Variants in RBM20 observed in about 807,000 individuals in gnomAD.
RBM20 encodes the protein RNA-binding protein 20.
In RBM20, 51 loss-of-function variants were observed where a neutral mutation model predicts 110.1. The observed-to-expected ratio is 0.46, with a 90% CI of 0.37 to 0.59. RBM20 has a LOEUF of 0.59. Among genes scored for constraint, RBM20 ranks in the 20% least tolerant of loss-of-function variants. The pLI is 0.00. For missense variants in RBM20, 1,512 were observed against 1,574.9 expected, an observed-to-expected ratio of 0.96 and a Z score of 0.68; for synonymous variants, 589 against 618.2, an observed-to-expected ratio of 0.95 and a Z score of 0.70.
chr10:110,672,392 CA>C, intron 1 of RBM20, among the ~76,000 whole-genome samples: 1 of 152,246 alleles, frequency 6.6e-6, no homozygotes, highest in East Asian at 1.9e-4. Flanking sequence ...CTCAGCGAGA[CA>C]GTCAAAGGGG....
chr10:110,715,284 A>T (rs1243673707), intron 1 of RBM20, among the ~76,000 whole-genome samples: 1 of 152,036 alleles, frequency 6.6e-6, no homozygotes, highest in East Asian at 1.9e-4. Flanking sequence ...ACAAAGAAAA[A>T]ACCCATAATT....
intron 1 of RBM20, among the ~76,000 whole-genome samples, chr10:110,705,966 C>T (rs1862832308): frequency 6.6e-6 from 1 of 151,974 alleles, no homozygotes; most frequent in African/African-American, 2.4e-5. Flanking sequence ...CTTGTAATCC[C>T]AGCTACTTGG....
chr10:110,666,983 T>C (rs760731577), intron 1 of RBM20, among the ~76,000 whole-genome samples: 6 of 152,168 alleles, frequency 3.9e-5, no homozygotes, highest in Non-Finnish European at 8.8e-5. Context: ...GTGGCCTTAT[T>C]GGGCCCTTTC....
At position 110,824,103 on chromosome 10, in the gene RBM20, A is replaced by T. The variant is rs1844952341; in HGVS notation, c.3451+489A>T. 2.6e-5 allele frequency among the ~76,000 whole-genome samples: 4 copies of T among 152,266 alleles called. No homozygotes were observed. In the Middle Eastern group the frequency reaches 0.014, roughly 518 times the overall value. ...CGGCTGTAAACTTTCTTGCAATTTC[A>T]GTCTCCCGTAATAGACCAGATACTC... On this transcript the variant is annotated intron_variant, in intron 12 of 13. Coordinates refer to ENST00000369519, the MANE Select transcript of RBM20 (RefSeq NM_001134363.3).
chr10:110,772,802 T>G (rs1487435417), intron 1 of RBM20, among the ~76,000 whole-genome samples: 1 of 152,262 alleles, frequency 6.6e-6, no homozygotes, highest in Non-Finnish European at 1.5e-5. Flanking sequence ...ATGATAATGA[T>G]AGTTAATATA....
At chr10:110,790,691 T>C (rs1320892028) in intron 5 of RBM20, among the ~76,000 whole-genome samples, 3 of 152,238 alleles carry the variant, frequency 2.0e-5, no homozygotes, top group Admixed American at 6.5e-5. Context: ...AAGCTTTCAA[T>C]ATATATTTAA....
intron 1 of RBM20, among the ~76,000 whole-genome samples, chr10:110,767,399 C>T (rs1844115068): frequency 1.3e-5 from 2 of 150,776 alleles, no homozygotes; most frequent in Admixed American, 6.6e-5. Flanking sequence ...CTGACCCCCA[C>T]CTCCCTCCCG....
intron 1 of RBM20, among the ~76,000 whole-genome samples, chr10:110,658,557 C>T (rs908993174): frequency 6.6e-6 from 1 of 152,150 alleles, no homozygotes; most frequent in African/African-American, 2.4e-5. Context: ...ATTTCCTCCT[C>T]CTTGTCCCTG....
chr10:110,678,988 T>C (rs1862381921), intron 1 of RBM20, among the ~76,000 whole-genome samples: 1 of 152,158 alleles, frequency 6.6e-6, no homozygotes, highest in Non-Finnish European at 1.5e-5. Flanking sequence ...ATGCAGGTTC[T>C]CGGTTCAAAT....
intron 1 of RBM20, among the ~76,000 whole-genome samples, chr10:110,742,239 C>T (rs1370292695): frequency 6.6e-6 from 1 of 152,214 alleles, no homozygotes; most frequent in Non-Finnish European, 1.5e-5. Context: ...ATCAGAGGAG[C>T]CTTCTGCACT....
At position 110,662,051 on chromosome 10, in the gene RBM20, A is replaced by G. The variant is rs141691291; in HGVS notation, c.191+17406A>G. On this transcript the variant is annotated intron_variant, in intron 1 of 13. Coordinates refer to ENST00000369519, the MANE Select transcript of RBM20 (RefSeq NM_001134363.3). The stretch of plus-strand genomic sequence containing the variant: ...ATAGTAGCATTGAGTGGCAGAGTCT[A>G]TATGCTGTCTAATCCCAGCTGCTGG... 2.0e-5 allele frequency among the ~76,000 whole-genome samples: 3 copies of G among 151,384 alleles called. No homozygotes were observed. In the East Asian group the frequency reaches 5.8e-4, roughly 29 times the overall value.
rs141329778 is a variant in RBM20 at position 110,815,112 on chromosome 10, C to T, written c.2550+2165C>T. Among the ~76,000 whole-genome samples, 3 of 152,308 alleles carry T rather than the reference C, an allele frequency of 2.0e-5. No homozygotes were observed. In the East Asian group the frequency reaches 5.8e-4, roughly 29 times the overall value. Reference sequence around the variant, plus strand: ...TAAAAGTGGCCCCTTCCACAGGGGGCAGGGAATCGGTTGCATCTCCAGCAG... The same window carrying T: ...TAAAAGTGGCCCCTTCCACAGGGGGTAGGGAATCGGTTGCATCTCCAGCAG... On this transcript the variant is annotated intron_variant, in intron 9 of 13. Coordinates refer to ENST00000369519, the MANE Select transcript of RBM20 (RefSeq NM_001134363.3).
Position 110,737,177 on chromosome 10 carries a change from C to CAAAAAAAAAAAAAAAAAAAAAAAAAAA in RBM20, c.192-43604_192-43603insAAAAAAAAAAAAAAAAAAAAAAAAAAA, listed in dbSNP as rs550138775. On this transcript the variant is annotated intron_variant, in intron 1 of 13. Transcript: ENST00000369519. Reference sequence around the variant, plus strand: ...GGGCAAGAAGAGTGAAACTCTGCCTCAAAAAAAAAAAAAAAAAAAACACCC... The same window carrying CAAAAAAAAAAAAAAAAAAAAAAAAAAA: ...GGGCAAGAAGAGTGAAACTCTGCCTCAAAAAAAAAAAAAAAAAAAAAAAAAAAAAAAAAAAAAAAAAAAAAAACACCC... Among the ~76,000 whole-genome samples, 121 of 26,570 alleles carry CAAAAAAAAAAAAAAAAAAAAAAAAAAA rather than the reference C, an allele frequency of 4.6e-3. 12 individuals are homozygous for CAAAAAAAAAAAAAAAAAAAAAAAAAAA. Among genetic ancestry groups the CAAAAAAAAAAAAAAAAAAAAAAAAAAA allele is most frequent in the Non-Finnish European group, 5.9e-3 (84 of 14,344 alleles). The allele number at this position is 26,570 out of a possible 152,430, so 17.4% of individuals were successfully genotyped here.
chr10:110,757,017 C>T (rs1843930462), intron 1 of RBM20, among the ~76,000 whole-genome samples: 1 of 152,186 alleles, frequency 6.6e-6, no homozygotes, highest in African/African-American at 2.4e-5. Flanking sequence ...GATTTGTTCC[C>T]TCAGCAAGAA....
At chr10:110,670,828 C>T (rs1420019407) in intron 1 of RBM20, among the ~76,000 whole-genome samples, 1 of 152,186 alleles carries the variant, frequency 6.6e-6, no homozygotes, top group East Asian at 1.9e-4. Flanking sequence ...AAAATATTAG[C>T]AGTAATCTCT....
chr10:110,717,816 A>G (rs575016681), intron 1 of RBM20, among the ~76,000 whole-genome samples: 88 of 152,114 alleles, frequency 5.8e-4, no homozygotes, highest in Non-Finnish European at 1.0e-3. Flanking sequence ...GATCTTCCTC[A>G]CTCACTGGAG....
chr10:110,708,239 A>G (rs1439387474), intron 1 of RBM20, among the ~76,000 whole-genome samples: 1 of 152,152 alleles, frequency 6.6e-6, no homozygotes, highest in African/African-American at 2.4e-5. Flanking sequence ...CCACATTTTC[A>G]TTTTGCAGTG....
intron 1 of RBM20, among the ~76,000 whole-genome samples, chr10:110,749,160 A>G (rs1843821988): frequency 6.6e-6 from 1 of 152,262 alleles, no homozygotes; most frequent in South Asian, 2.1e-4. Context: ...TGAAGAACCT[A>G]GCCAATGCAG....
chr10:110,697,808 C>G (rs1862688214), intron 1 of RBM20, among the ~76,000 whole-genome samples: 1 of 152,176 alleles, frequency 6.6e-6, no homozygotes, highest in African/African-American at 2.4e-5. Context: ...TGATGCCTCC[C>G]TCCCCTGATT....
Sources: allele counts gnomAD v4.1 joint callset (sites outside exome capture counted in the v4.1 genomes callset), GRCh38; gene constraint gnomAD v4.1.1; transcripts MANE v1.5; gene names NCBI Gene and HGNC (gene_info 2026-07-23, HGNC 2026-07-21).